TBX1: variants seen among roughly 807,000 people sequenced by gnomAD.
TBX1 encodes T-box transcription factor 1.
A neutral mutation model predicts 40.8 loss-of-function variants in TBX1; 16 were observed. The ratio of observed to expected loss-of-function variants is 0.39; its 90% CI spans 0.27 to 0.60. The LOEUF (loss-of-function observed/expected upper bound fraction) is 0.60. Ranked by LOEUF, TBX1 falls within the 20% of genes least tolerant of loss-of-function variation. The probability of loss-of-function intolerance (pLI) is 0.51; values close to 1 mark genes in which losing one functional copy is unlikely to be tolerated. For synonymous variants in TBX1, 403 were observed against 336.8 expected (o/e 1.20, Z -2.15); for missense variants, 755 against 728.5 (o/e 1.04, Z -0.42).
Position 19,761,253 on chromosome 22 carries a change from C to A in TBX1, c.410C>A (p.Thr137Asn). The A allele has an allele frequency of 6.4e-7, 1 of 1,566,264 alleles. No homozygotes were observed. The highest frequency in any genetic ancestry group is 8.7e-7 in the Non-Finnish European group (1 of 1,154,582). The part of the protein sequence containing the change: ...ALWDEFNQLG[T>N]EMIVTKAGRR... ...TGGGACGAGTTCAACCAGCTGGGCACCGAGATGATCGTCACCAAGGCCGGC... is the reference window on the plus strand; with the variant it reads ...TGGGACGAGTTCAACCAGCTGGGCAACGAGATGATCGTCACCAAGGCCGGC... Residue 137 changes from threonine (T) to asparagine (N), a missense_variant, in exon 1 of 7, where the codon ACC (threonine) becomes AAC (asparagine). Around this residue, in one of 3 missense-constraint regions of TBX1, gnomAD observed 199 missense variants for 173.0 expected, o/e 1.15. Transcript: ENST00000649276.
Position 19,761,170 on chromosome 22 carries a change from G to T in TBX1, c.327G>T (p.Pro109=). 6.6e-7 allele frequency: 1 copy of T among 1,525,490 alleles called. No individual in the cohort carries two copies. Among genetic ancestry groups the T allele is most frequent in the South Asian group, 1.2e-5 (1 of 84,326 alleles). The allele number at this position is 1,525,490 out of a possible 1,614,324, so 94.5% of individuals were successfully genotyped here. A position where few individuals can be genotyped will look rare whatever the true frequency, so the allele number is the denominator to read the frequency against. Reference sequence around the variant, plus strand: ...GCTGCGCGGCCGCAGCCAAGGCGCCGGTGAAGAAGAACGCGAAGGTGGCCG... The same window carrying T: ...GCTGCGCGGCCGCAGCCAAGGCGCCTGTGAAGAAGAACGCGAAGGTGGCCG... The part of the protein sequence containing the change: ...GASCAAAAKA[P]VKKNAKVAGV... The change falls in exon 1 of 7, where the codon CCG becomes CCT. Residue 109 remains proline (P), a synonymous_variant. Transcript: ENST00000649276.
At chr22:19,771,626 C>T (rs923368813), downstream of TBX1, among the ~76,000 whole-genome samples, 4 of 152,220 alleles carry the variant, frequency 2.6e-5, no homozygotes, top group African/African-American at 9.6e-5. Flanking sequence ...GCCCCACTGG[C>T]ATCCTCTGCT....
chr22:19,782,780 C>T, downstream of TBX1: 1 of 1,522,790 alleles, frequency 6.6e-7, no homozygotes, highest in Admixed American at 1.8e-5. Flanking sequence ...TTTCTGGGGC[C>T]TCAGCTGTCT....
chr22:19,779,153 G>T, intron 8 of TBX1: 3 of 1,576,890 alleles, frequency 1.9e-6, no homozygotes, highest in Non-Finnish European at 2.6e-6. Flanking sequence ...AGTCTGATCT[G>T]CAAGAAAAGA....
chr22:19,766,496 C>T lies in TBX1; in HGVS notation c.1144C>T (p.Leu382=). 1 of 1,313,298 alleles carries T rather than the reference C, an allele frequency of 7.6e-7. No individual in the cohort carries two copies. Among genetic ancestry groups the T allele is most frequent in the South Asian group, 2.0e-5 (1 of 48,954 alleles). The allele number at this position is 1,313,298 out of a possible 1,614,324, so 81.4% of individuals were successfully genotyped here. Residue 382 remains leucine, a synonymous_variant, in exon 7 of 7, where the codon CTG becomes TTG. Coordinates refer to ENST00000649276, the MANE Select transcript of TBX1 (RefSeq NM_001379200.1). ...GCTGGCCCGGGTGCTAAGCCCCTCG[C>T]TGCCCGGGGCCGGCGGCGCCGGCGG... is the stretch of plus-strand genomic sequence containing the variant. ...QLLARVLSPS[L]PGAGGAGGLV...
downstream of TBX1, among the ~76,000 whole-genome samples, chr22:19,769,559 G>T (rs1449486902): frequency 3.3e-5 from 5 of 152,240 alleles, no homozygotes; most frequent in East Asian, 9.6e-4. Flanking sequence ...TCCCTCATGT[G>T]CTCAGTCCTC....
downstream of TBX1, among the ~76,000 whole-genome samples, chr22:19,780,567 C>A (rs1409051116): frequency 1.3e-5 from 2 of 152,142 alleles, no homozygotes; most frequent in Non-Finnish European, 2.9e-5. Context: ...TGAGTAATGC[C>A]GCTATGAACG....
upstream of TBX1, among the ~76,000 whole-genome samples, chr22:19,759,992 G>A (rs1242505044): frequency 2.6e-5 from 4 of 152,220 alleles, no homozygotes; most frequent in Non-Finnish European, 5.9e-5. Context: ...AGAGGAGAGA[G>A]CGGGAGAGTT....
At chr22:19,779,079 G>A (rs1193927989) in intron 8 of TBX1, 11 of 971,132 alleles carry the variant, frequency 1.1e-5, no homozygotes, top group Middle Eastern at 2.4e-4. Context: ...TGGGCGGCTC[G>A]GCTCGTTGGG....
chr22:19,765,702 T>C, intron 4 of TBX1, 56 bp from the exon 5 acceptor site: 1 of 1,597,228 alleles, frequency 6.3e-7, no homozygotes, highest in Non-Finnish European at 8.5e-7. Context: ...TCCGCCGAGG[T>C]CGGGTGGCCC....
intron 8 of TBX1, among the ~76,000 whole-genome samples, chr22:19,777,330 G>A (rs1453613688): frequency 2.0e-5 from 3 of 151,986 alleles, no homozygotes; most frequent in Non-Finnish European, 2.9e-5. Flanking sequence ...TTGTCCTTGC[G>A]ATAGTTTGCT....
At chr22:19,773,749 C>T (rs538598341) in intron 8 of TBX1, among the ~76,000 whole-genome samples, 169 of 152,314 alleles carry the variant, frequency 1.1e-3, no homozygotes, top group Middle Eastern at 3.4e-3. Flanking sequence ...CATCCTGATG[C>T]GGTCACTGCC....
In TBX1 at chr22:19,766,868, C is replaced by G; in HGVS notation, c.*1C>G. 1.9e-6 allele frequency: 3 copies of G among 1,584,342 alleles called. No homozygotes were observed. The highest frequency in any genetic ancestry group is 2.6e-6 in the Non-Finnish European group (3 of 1,173,294). On this transcript the variant is annotated 3_prime_UTR_variant, in exon 7 of 7. Coordinates refer to ENST00000649276, the MANE Select transcript of TBX1 (RefSeq NM_001379200.1). ...CTCCTACGACTATTGCCCCAGATAA[C>G]ACGGGCCCTGTCGCGCTCCCGCCCC... is the stretch of plus-strand genomic sequence containing the variant.
At position 19,765,018 on chromosome 22, in the gene TBX1, C is replaced by T; in HGVS notation, c.772C>T (p.Arg258Cys). Residue 258 changes from arginine (R) to cysteine (C), a missense_variant, in exon 4 of 7, where the codon CGC (arginine) becomes TGC (cysteine). Physicochemically the swap from Arg to Cys is radical, Grantham distance 180 (BLOSUM62 -3). Coordinates refer to ENST00000649276, the MANE Select transcript of TBX1 (RefSeq NM_001379200.1). ...CTTCCACGTGGTCTATGTGGACCCACGCAAAGATAGCGAGAAATATGCCGA... is the reference window on the plus strand; with the variant it reads ...CTTCCACGTGGTCTATGTGGACCCATGCAAAGATAGCGAGAAATATGCCGA... ...PRFHVVYVDP[R>C]KDSEKYAEEN... The T allele has an allele frequency of 6.2e-7, 1 of 1,614,178 alleles. No homozygotes were observed. Among genetic ancestry groups the T allele is most frequent in the Non-Finnish European group, 8.5e-7 (1 of 1,180,038 alleles).
rs1351634088 is a variant in TBX1, at chr22:19,764,176, C to T, written c.561C>T (p.Ser187=). 1.2e-6 allele frequency: 2 copies of T among 1,612,828 alleles called. No individual in the cohort carries two copies. Among genetic ancestry groups the T allele is most frequent in the Non-Finnish European group, 1.7e-6 (2 of 1,179,892 alleles). Residue 187 remains serine (S), a synonymous_variant, in exon 3 of 7, where the codon TCC becomes TCT. Coordinates refer to ENST00000649276, the MANE Select transcript of TBX1 (RefSeq NM_001379200.1). The part of the protein sequence containing the change: ...KRYRYAFHSS[S]WLVAGKADPA... ...CCAGGTACGCCTTCCACAGCTCCTC[C>T]TGGCTGGTGGCGGGGAAGGCCGACC...
At chr22:19,766,364 G>GCTCA in intron 6 of TBX1, 25 bp from the exon 7 acceptor site, 1 of 1,261,548 alleles carries the variant, frequency 7.9e-7, no homozygotes, top group South Asian at 2.4e-5. Context: ...GGCCGGCCGC[G>GCTCA]CTCACTCCTC....
intron 6 of TBX1, 159 bp downstream of exon 6, chr22:19,766,161 G>C: frequency 1.3e-6 from 1 of 765,068 alleles, no homozygotes; most frequent in Non-Finnish European, 1.6e-6. Flanking sequence ...TCGCCCGCCC[G>C]GCCCGACGGC....
downstream of TBX1, among the ~76,000 whole-genome samples, chr22:19,781,283 A>G (rs963142677): frequency 6.6e-6 from 1 of 151,484 alleles, no homozygotes; most frequent in African/African-American, 2.4e-5. Flanking sequence ...GGGTCTCACT[A>G]TGTTGCCCAG....
chr22:19,769,030 G>A (rs1331461260), downstream of TBX1, among the ~76,000 whole-genome samples: 5 of 146,454 alleles, frequency 3.4e-5, no homozygotes, highest in African/African-American at 7.6e-5. Flanking sequence ...GTGCGATCTC[G>A]GCTCACTGCA....
Sources: allele counts gnomAD v4.1 joint callset (sites outside exome capture counted in the v4.1 genomes callset), GRCh38; gene constraint gnomAD v4.1.1; regional missense constraint gnomAD v4.1.1; transcripts MANE v1.5; gene names NCBI Gene and HGNC (gene_info 2026-07-23, HGNC 2026-07-21).